G6PD: variants seen among roughly 807,000 people sequenced by gnomAD.
The protein encoded by G6PD is glucose-6-phosphate 1-dehydrogenase.
G6PD carries 2 observed loss-of-function variants against 38.2 expected under a neutral mutation model. That is an observed-to-expected ratio of 0.05 (90% CI 0.02 to 0.16). The LOEUF is 0.16. G6PD is among the 10% of genes least tolerant of loss of function. The pLI, the probability that G6PD is intolerant of heterozygous loss-of-function variation, is 1.00. For synonymous variants in G6PD, 188 were observed against 196.0 expected (o/e 0.96, Z 0.34); for missense variants, 310 against 471.6 (o/e 0.66, Z 3.17).
At chrX:154,533,450 T>C (rs2070366431) in intron 8 of G6PD, 126 bp downstream of exon 8, 4 of 851,613 alleles carry the variant, frequency 4.7e-6, no homozygotes, top group African/African-American at 2.0e-5. Context: ...GGCCACGCTG[T>C]GCTCAGAGGT....
rs1192332755 is a variant in G6PD, at chrX:154,531,781, A to G, written c.*219T>C. On this transcript the variant is annotated 3_prime_UTR_variant, in exon 13 of 13. Transcript: ENST00000393562. The stretch of plus-strand genomic sequence containing the variant: ...AGGAGGTGACTCAGCTCCTGGGCTC[A>G]GGCAGGGTCTGGAGGGGCCAGGATG... 5 of 511,219 alleles carry G rather than the reference A, an allele frequency of 9.8e-6. No homozygotes were observed. The highest frequency in any genetic ancestry group is 7.2e-5 in the African/African-American group (3 of 41,852). 42.1% of individuals were successfully genotyped at this position (511,219 alleles called of 1,213,427 possible).
rs1477380154 is a variant in G6PD, at chrX:154,531,936, G to A, written c.*64C>T. On this transcript the variant is annotated 3_prime_UTR_variant, in exon 13 of 13. Coordinates refer to ENST00000393562, the MANE Select transcript of G6PD (RefSeq NM_001360016.2). The stretch of plus-strand genomic sequence containing the variant: ...AGGTCAATGGTCCCGGAGTCCTCCC[G>A]ACTCGGGGTCGGGCGGCGGGAAGGA... 6.0e-6 allele frequency: 7 copies of A among 1,165,633 alleles called. No individual in the cohort carries two copies. The highest frequency in any genetic ancestry group is 2.5e-5 in the Admixed American group (1 of 40,384).
intron 2 of G6PD, among the ~76,000 whole-genome samples, chrX:154,541,921 C>T (rs1317066593): frequency 8.9e-6 from 1 of 112,175 alleles, no homozygotes; most frequent in Non-Finnish European, 1.9e-5. Flanking sequence ...CATCCCATCC[C>T]CAAGGGTCAC....
upstream of G6PD, chrX:154,547,243 T>C (rs975811068): frequency 2.5e-5 from 16 of 646,040 alleles, no homozygotes; most frequent in Admixed American, 9.5e-4. Context: ...ACGCCTCCTC[T>C]GGGCTGTCCC....
chrX:154,539,515 C>T (rs987236775), intron 2 of G6PD, among the ~76,000 whole-genome samples: 19 of 110,848 alleles, frequency 1.7e-4, no homozygotes, highest in Non-Finnish European at 3.4e-4. Context: ...CAAAAGACGG[C>T]GAGAAAACCA....
upstream of G6PD, chrX:154,546,912 C>G: frequency 1.3e-6 from 1 of 786,557 alleles, no homozygotes; most frequent in Non-Finnish European, 1.7e-6. Flanking sequence ...GCTGAGCGGA[C>G]CCGCCTCAGG....
chrX:154,546,804 G>T lies in G6PD; in HGVS notation c.-24C>A, dbSNP rs782130452. 2.6e-6 allele frequency: 3 copies of T among 1,161,550 alleles called. No homozygotes were observed. Reference sequence around the variant, plus strand: ...GGCCGGTTACCTGCGCTTCGTCGTCGTCGCCCTCCGCGCTCGCAGCCCCGA... The same window carrying T: ...GGCCGGTTACCTGCGCTTCGTCGTCTTCGCCCTCCGCGCTCGCAGCCCCGA... On this transcript the variant is annotated 5_prime_UTR_variant, in exon 1 of 13. Coordinates refer to ENST00000393562, the MANE Select transcript of G6PD (RefSeq NM_001360016.2).
At chrX:154,546,461 G>A (rs2070718880) in intron 1 of G6PD, among the ~76,000 whole-genome samples, 1 of 112,012 alleles carries the variant, frequency 8.9e-6, no homozygotes. Context: ...AATCCTTGTG[G>A]GGCATGGAAC....
At chrX:154,541,569 C>T (rs782490359) in intron 2 of G6PD, among the ~76,000 whole-genome samples, 1 of 111,832 alleles carries the variant, frequency 8.9e-6, no homozygotes, top group Admixed American at 9.5e-5. Context: ...GGGAAGACAT[C>T]GGGAAACCTG....
At chrX:154,533,392 A>C (rs1014919446) in intron 8 of G6PD, 184 bp downstream of exon 8, 1 of 537,515 alleles carries the variant, frequency 1.9e-6, no homozygotes, top group Non-Finnish European at 3.0e-6. Context: ...CAGGCCTGGG[A>C]CATGACAACT....
chrX:154,546,197 G>C, intron 1 of G6PD, 34 bp from the exon 2 acceptor site: 1 of 1,208,259 alleles, frequency 8.3e-7, no homozygotes, highest in Non-Finnish European at 1.1e-6. Context: ...CAAGGCAGAA[G>C]AACAGGAGAG....
In G6PD at chrX:154,542,259, A is replaced by G. The variant is rs782279781; in HGVS notation, c.120+3777T>C. ...TGGGATGCGTCCTGAACGCCCATCA[A>G]GCCCATGGCCCTTGTGATCCAGGTG... On this transcript the variant is annotated intron_variant, in intron 2 of 12. Transcript: ENST00000393562. 2.1e-5 allele frequency: 23 copies of G among 1,112,665 alleles called. No homozygotes were observed. In the South Asian group the frequency reaches 3.6e-4, roughly 17 times the overall value. 91.7% of individuals were successfully genotyped at this position (1,112,665 alleles called of 1,213,427 possible). A position where few individuals can be genotyped will look rare whatever the true frequency, so the allele number is the denominator to read the frequency against.
At chrX:154,532,883 G>A in intron 9 of G6PD, 59 bp downstream of exon 9, 1 of 1,203,881 alleles carries the variant, frequency 8.3e-7, no homozygotes, top group Non-Finnish European at 1.1e-6. Flanking sequence ...GGGAGCTCCA[G>A]TGCCCGCACA....
intron 2 of G6PD, among the ~76,000 whole-genome samples, chrX:154,540,373 G>A (rs1465852125): frequency 9.0e-6 from 1 of 110,817 alleles, no homozygotes; most frequent in African/African-American, 3.3e-5. Flanking sequence ...GGAGGCTGAG[G>A]CAGGGGAATT....
intron 2 of G6PD, 177 bp downstream of exon 2, chrX:154,545,856 AGTC>A: frequency 2.2e-6 from 1 of 460,823 alleles, no homozygotes; most frequent in Non-Finnish European, 3.6e-6. Flanking sequence ...AAAAAAAAAA[AGTC>A]TTGCAAGTGC....
chrX:154,534,243 G>A, intron 6 of G6PD, 83 bp from the exon 7 acceptor site: 1 of 1,204,980 alleles, frequency 8.3e-7, no homozygotes, highest in South Asian at 1.8e-5. Context: ...CCTTGTCTGA[G>A]TTCTGGAGGA....
intron 2 of G6PD, among the ~76,000 whole-genome samples, chrX:154,544,156 C>T (rs781791065): frequency 2.8e-5 from 3 of 107,963 alleles, no homozygotes; most frequent in African/African-American, 1.0e-4. Flanking sequence ...CCACTGCGCC[C>T]GGCCTTTTTG....
rs782243474 is a variant in G6PD, at chrX:154,534,540, C to T, written c.486-44G>A. ...TGCGTTACCCCCTTGAACCCCTCTT[C>T]GGGGAGTGAGGATCAGAGCTGCATC... On this transcript the variant is annotated intron_variant, in intron 5 of 12. Coordinates refer to ENST00000393562, the MANE Select transcript of G6PD (RefSeq NM_001360016.2). The T allele has an allele frequency of 2.0e-5, 24 of 1,199,548 alleles. No homozygotes were observed. In the Admixed American group the frequency reaches 2.2e-4, roughly 11 times the overall value.
chrX:154,532,376 T>C lies in G6PD; in HGVS notation c.1364+10A>G, dbSNP rs942190523. 2.6e-5 allele frequency: 31 copies of C among 1,210,180 alleles called. No individual in the cohort carries two copies. The highest frequency in any genetic ancestry group is 3.5e-5 in the Non-Finnish European group (31 of 895,005). On this transcript the variant is annotated intron_variant, in intron 11 of 12. Coordinates refer to ENST00000393562, the MANE Select transcript of G6PD (RefSeq NM_001360016.2). ...CCACAGGTATGCAGGGGCCGGCAGC[T>C]GGGCCTCACCTGCGCACGAAGTGCA...
Sources: allele counts gnomAD v4.1 joint callset (sites outside exome capture counted in the v4.1 genomes callset), GRCh38; gene constraint gnomAD v4.1.1; transcripts MANE v1.5; gene names NCBI Gene and HGNC (gene_info 2026-07-23, HGNC 2026-07-21).